Variants in ARHGAP44 observed in about 807,000 individuals in gnomAD.
The protein encoded by ARHGAP44 is Rho GTPase activating protein 44.
In ARHGAP44, 43 loss-of-function variants were observed where a neutral mutation model predicts 106.8. The ratio of observed to expected loss-of-function variants is 0.40; its 90% CI spans 0.32 to 0.52. The LOEUF (loss-of-function observed/expected upper bound fraction) is 0.52. ARHGAP44 is among the 20% of genes least tolerant of loss of function. The pLI, the probability that ARHGAP44 is intolerant of heterozygous loss-of-function variation, is 0.48. For synonymous variants in ARHGAP44, 439 were observed against 410.3 expected (o/e 1.07, Z -0.85); for missense variants, 866 against 1,050.5 (o/e 0.82, Z 2.43).
At chr17:12,932,794 A>G (rs2038439463) in intron 7 of ARHGAP44, among the ~76,000 whole-genome samples, 2 of 151,868 alleles carry the variant, frequency 1.3e-5, no homozygotes, top group African/African-American at 4.8e-5. Flanking sequence ...AAATTTCACT[A>G]TCTAATTACT....
At chr17:12,897,078 A>G (rs542935723) in intron 3 of ARHGAP44, among the ~76,000 whole-genome samples, 7 of 152,318 alleles carry the variant, frequency 4.6e-5, no homozygotes, top group African/African-American at 1.7e-4. Context: ...TTCCATTTCA[A>G]CAGTTCTTGG....
chr17:12,976,314 G>A (rs1324631243), intron 18 of ARHGAP44, among the ~76,000 whole-genome samples: 1 of 151,604 alleles, frequency 6.6e-6, no homozygotes, highest in Non-Finnish European at 1.5e-5. Flanking sequence ...TGTTTAATGA[G>A]TAAAAAGTAT....
intron 7 of ARHGAP44, among the ~76,000 whole-genome samples, chr17:12,934,069 G>A (rs1417483365): frequency 1.3e-5 from 2 of 151,838 alleles, no homozygotes; most frequent in South Asian, 2.1e-4. Flanking sequence ...GGATGGTGTC[G>A]ATCTCCTGAC....
intron 1 of ARHGAP44, among the ~76,000 whole-genome samples, chr17:12,876,909 C>CAAA (rs59331390): frequency 1.1e-5 from 1 of 90,668 alleles, no homozygotes; most frequent in African/African-American, 3.9e-5. Context: ...GACTCCGTCT[C>CAAA]AAAAAAAAAA....
At chr17:12,836,074 A>T (rs1234198535) in intron 1 of ARHGAP44, among the ~76,000 whole-genome samples, 1 of 152,062 alleles carries the variant, frequency 6.6e-6, no homozygotes, top group African/African-American at 2.4e-5. Context: ...TCTTTTGTCT[A>T]TTGTGAATAA....
chr17:12,949,598 TG>T lies in ARHGAP44; in HGVS notation c.974-50del. On this transcript the variant is annotated intron_variant, in intron 11 of 20. Transcript: ENST00000379672. The surrounding 1 kb of genome is among the most constrained non-coding windows in gnomAD (Gnocchi z 4.1). ...ATAGGCAGTGCTGGCTGGTGGGTCT[TG>T]CCTCTGCCACATCATAACAGTTCAC... 3 of 1,576,606 alleles carry T rather than the reference TG, an allele frequency of 1.9e-6. No individual in the cohort carries two copies. Among genetic ancestry groups the T allele is most frequent in the Non-Finnish European group, 2.6e-6 (3 of 1,148,466 alleles).
At chr17:12,815,171 C>G (rs891488332) in intron 1 of ARHGAP44, among the ~76,000 whole-genome samples, 1 of 151,948 alleles carries the variant, frequency 6.6e-6, no homozygotes, top group Non-Finnish European at 1.5e-5. Context: ...TTTCCTGATT[C>G]TCCAGAGTCT....
chr17:12,857,914 G>T (rs2039209657), intron 1 of ARHGAP44, among the ~76,000 whole-genome samples: 1 of 151,950 alleles, frequency 6.6e-6, no homozygotes, highest in Non-Finnish European at 1.5e-5. Context: ...TGCTTTTGGG[G>T]ACTTGGATCA....
chr17:12,883,722 A>G (rs189838042), intron 1 of ARHGAP44, among the ~76,000 whole-genome samples: 51 of 152,232 alleles, frequency 3.4e-4, no homozygotes, highest in African/African-American at 1.2e-3. Flanking sequence ...GTGACTTCTG[A>G]CCTTTGATAT....
At chr17:12,898,210 C>T (rs766669492) in intron 3 of ARHGAP44, among the ~76,000 whole-genome samples, 6 of 152,160 alleles carry the variant, frequency 3.9e-5, no homozygotes, top group South Asian at 2.1e-4. Flanking sequence ...TTATTACGGA[C>T]GATTTCTAGT....
intron 1 of ARHGAP44, among the ~76,000 whole-genome samples, chr17:12,827,725 A>G (rs1471739739): frequency 6.6e-6 from 1 of 152,152 alleles, no homozygotes; most frequent in Non-Finnish European, 1.5e-5. Flanking sequence ...TATATTTTAT[A>G]GTTGGGTTTG....
intron 16 of ARHGAP44, among the ~76,000 whole-genome samples, chr17:12,968,052 T>C (rs1312105678): frequency 6.6e-6 from 1 of 152,216 alleles, no homozygotes; most frequent in Non-Finnish European, 1.5e-5. Flanking sequence ...GAAATATTGC[T>C]TACAAAGTGT....
chr17:12,861,887 A>C (rs2150867900), intron 1 of ARHGAP44, among the ~76,000 whole-genome samples: 1 of 151,918 alleles, frequency 6.6e-6, no homozygotes, highest in East Asian at 1.9e-4. Context: ...CACTCGCCTC[A>C]GCTTCCCAAA....
chr17:12,944,690 C>T (rs1271070455), intron 10 of ARHGAP44, among the ~76,000 whole-genome samples: 2 of 150,536 alleles, frequency 1.3e-5, no homozygotes, highest in Non-Finnish European at 3.0e-5. Flanking sequence ...GGGGTTTCAC[C>T]ATGTTGGCCA....
At chr17:12,875,539 C>T (rs1324281705) in intron 1 of ARHGAP44, among the ~76,000 whole-genome samples, 2 of 152,082 alleles carry the variant, frequency 1.3e-5, no homozygotes, top group African/African-American at 2.4e-5. Flanking sequence ...TTCCAGTGAG[C>T]TATGATTGTG....
At position 12,949,189 on chromosome 17, in the gene ARHGAP44, C is replaced by T. The variant is rs139121577; in HGVS notation, c.911C>T (p.Ala304Val). 11 of 1,582,626 alleles carry T rather than the reference C, an allele frequency of 7.0e-6. No homozygotes were observed. Among genetic ancestry groups the T allele is most frequent in the African/African-American group, 4.0e-5 (3 of 74,288 alleles). The change falls in exon 11 of 21, where the codon GCG (alanine) becomes GTG (valine). Residue 304 changes from alanine to valine, a missense_variant. Physicochemically the swap from Ala to Val is moderately conservative, Grantham distance 64 (BLOSUM62 0). Transcript: ENST00000379672. The surrounding 1 kb of genome is among the most constrained non-coding windows in gnomAD (Gnocchi z 4.1). ...GCCTCCAAACTGAAGAAGCTGAAAG[C>T]GGCCCTGGACTGCTGCGTGGTGGAT... ...PSASKLKKLK[A>V]ALDCCVVDVQ...
At chr17:12,851,784 C>T (rs567839387) in intron 1 of ARHGAP44, among the ~76,000 whole-genome samples, 1 of 152,194 alleles carries the variant, frequency 6.6e-6, no homozygotes, top group South Asian at 2.1e-4. Context: ...CTCCACTCCC[C>T]TAACTGAGGA....
intron 1 of ARHGAP44, among the ~76,000 whole-genome samples, chr17:12,869,584 G>A (rs7223372): frequency 0.22 from 32,838 of 151,908 alleles, 3,868 homozygotes; most frequent in African/African-American, 0.31. Flanking sequence ...AACTCTTTCC[G>A]TCTTTGAAGC....
At chr17:12,896,300 G>A (rs2037203253) in intron 2 of ARHGAP44, 107 bp from the exon 3 acceptor site, 1 of 854,116 alleles carries the variant, frequency 1.2e-6, no homozygotes, top group Non-Finnish European at 1.8e-6. Context: ...GTCTCTCCAG[G>A]AGTCCTTGTC....
Sources: allele counts gnomAD v4.1 joint callset (sites outside exome capture counted in the v4.1 genomes callset), GRCh38; gene constraint gnomAD v4.1.1; non-coding constraint Gnocchi (gnomAD v3.1); transcripts MANE v1.5; gene names NCBI Gene and HGNC (gene_info 2026-07-23, HGNC 2026-07-21).